Variants in FMN1 observed in about 807,000 individuals in gnomAD.
The protein encoded by FMN1 is formin 1.
FMN1 carries 110 observed loss-of-function variants against 132.4 expected under a neutral mutation model. That is an observed-to-expected ratio of 0.83 (90% confidence interval 0.71 to 0.97). The LOEUF (loss-of-function observed/expected upper bound fraction) is 0.97. Among genes scored for constraint, FMN1 ranks in the 50% least tolerant of loss-of-function variants. The probability of loss-of-function intolerance (pLI) is 0.00; values close to 1 mark genes in which losing one functional copy is unlikely to be tolerated. For synonymous variants in FMN1, 722 were observed against 651.7 expected (o/e 1.11, Z -1.64); for missense variants, 1,792 against 1,705.3 (o/e 1.05, Z -0.90).
rs1964603490 is a variant in FMN1, at chr15:33,154,721, T to C, written c.194A>G (p.Glu65Gly). ...EESDIISLSQ[E>G]PDEHPGDIFF... ...TATGTCGCCTGGATGTTCGTCCGGC[T>C]CCTGGCTGAGGCTGATGATGTCTGA... is the stretch of plus-strand genomic sequence containing the variant. The change falls in exon 4 of 21, where the codon GAG (glutamate) becomes GGG (glycine). Residue 65 changes from glutamate (E) to glycine (G), a missense_variant. Coordinates refer to ENST00000616417, the MANE Select transcript of FMN1 (RefSeq NM_001277313.2). 5.9e-6 allele frequency: 9 copies of C among 1,536,150 alleles called. No homozygotes were observed. The South Asian group carries it at 8.3e-5, about 14-fold the overall frequency.
chr15:33,126,851 T>C (rs1168789113), intron 4 of FMN1, among the ~76,000 whole-genome samples: 2 of 152,198 alleles, frequency 1.3e-5, no homozygotes, highest in African/African-American at 4.8e-5. Flanking sequence ...TCTGAAACTT[T>C]GGGAAGGAAA....
chr15:32,996,007 A>C (rs899807170), intron 7 of FMN1, among the ~76,000 whole-genome samples: 4 of 152,242 alleles, frequency 2.6e-5, no homozygotes, highest in African/African-American at 9.6e-5. Context: ...TATATGGAAC[A>C]AACTTTACCA....
intron 7 of FMN1, among the ~76,000 whole-genome samples, chr15:32,996,575 G>A (rs747429079): frequency 6.6e-6 from 1 of 152,146 alleles, no homozygotes; most frequent in Non-Finnish European, 1.5e-5. Context: ...CCTCATAATG[G>A]TGTAATAGCT....
intron 5 of FMN1, among the ~76,000 whole-genome samples, chr15:33,084,112 T>G (rs1181993938): frequency 1.3e-5 from 2 of 152,210 alleles, no homozygotes; most frequent in Non-Finnish European, 2.9e-5. Context: ...AAGAAATAAC[T>G]ACAGGTATAT....
chr15:32,943,876 CAATGGAAAG>C (rs2061449375), intron 9 of FMN1, among the ~76,000 whole-genome samples: 1 of 152,084 alleles, frequency 6.6e-6, no homozygotes, highest in Non-Finnish European at 1.5e-5. Flanking sequence ...GAGAGTTTCG[CAATGGAAAG>C]AAATTCCAAG....
In FMN1 at chr15:32,774,369, A is replaced by G. The variant is rs2140856706; in HGVS notation, c.4216-15T>C. 6.4e-7 allele frequency: 1 copy of G among 1,573,870 alleles called. No individual in the cohort carries two copies. ...AGTCTTTCTTTCTGTTAAGGAAAAA[A>G]AAATGAATGTATCATTTTCTTTCAT... is the stretch of plus-strand genomic sequence containing the variant. On this transcript the variant is annotated splice_polypyrimidine_tract_variant and intron_variant, in intron 20 of 20. Coordinates refer to ENST00000616417, the MANE Select transcript of FMN1 (RefSeq NM_001277313.2).
intron 16 of FMN1, among the ~76,000 whole-genome samples, chr15:32,884,398 C>T (rs1168371993): frequency 6.6e-6 from 1 of 152,120 alleles, no homozygotes; most frequent in Non-Finnish European, 1.5e-5. Context: ...ATTCTTACGT[C>T]GTTATATCTC....
intron 4 of FMN1, among the ~76,000 whole-genome samples, chr15:33,119,648 T>G (rs898393405): frequency 1.3e-5 from 2 of 152,264 alleles, no homozygotes; most frequent in African/African-American, 4.8e-5. Flanking sequence ...GTGATCACTC[T>G]GTTTTACAAA....
chr15:32,981,276 G>A (rs2032634566), intron 7 of FMN1, among the ~76,000 whole-genome samples: 1 of 151,950 alleles, frequency 6.6e-6, no homozygotes, highest in Non-Finnish European at 1.5e-5. Flanking sequence ...TGGATCATGA[G>A]GTCAGGAGAT....
At chr15:33,150,378 G>A in intron 4 of FMN1, 38 of 985,446 alleles carry the variant, frequency 3.9e-5, no homozygotes, top group South Asian at 4.7e-5. Flanking sequence ...CAATCTCCAG[G>A]TTGGTGGTGG....
At chr15:32,781,469 G>C (rs1327956846) in intron 19 of FMN1, among the ~76,000 whole-genome samples, 4 of 152,198 alleles carry the variant, frequency 2.6e-5, no homozygotes, top group Non-Finnish European at 4.4e-5. Flanking sequence ...TACTGTTGCA[G>C]TGGGAAAGCA....
chr15:32,970,257 AG>A (rs2031666178), intron 7 of FMN1, among the ~76,000 whole-genome samples: 1 of 152,232 alleles, frequency 6.6e-6, no homozygotes. Flanking sequence ...GTCATTAACC[AG>A]CCCGTTCCTC....
At position 33,040,535 on chromosome 15, in the gene FMN1, G is replaced by A. The variant is rs562167935; in HGVS notation, c.2161+24422C>T. Among the ~76,000 whole-genome samples, 13 of 152,194 alleles carry A rather than the reference G, an allele frequency of 8.5e-5. No individual in the cohort carries two copies. In the East Asian group the frequency reaches 9.7e-4, roughly 11 times the overall value. ...ATAAATGATTATTATTTATAACAGTGGAATTAATAACAGCACCAATGAATT... is the reference window on the plus strand; with the variant it reads ...ATAAATGATTATTATTTATAACAGTAGAATTAATAACAGCACCAATGAATT... On this transcript the variant is annotated intron_variant, in intron 6 of 20. Transcript: ENST00000616417.
intron 3 of FMN1, among the ~76,000 whole-genome samples, chr15:33,160,183 GA>G (rs35452985): frequency 6.6e-6 from 1 of 151,836 alleles, no homozygotes; most frequent in Middle Eastern, 3.2e-3. Flanking sequence ...GAAGGGCTTT[GA>G]AAAAAAATGA....
chr15:32,812,691 CATTTTGG>C (rs1184320159), intron 17 of FMN1, among the ~76,000 whole-genome samples: 9 of 152,292 alleles, frequency 5.9e-5, no homozygotes, highest in African/African-American at 1.7e-4. Flanking sequence ...GAGCATTTTG[CATTTTGG>C]ATTTTCAGAT....
In FMN1 at chr15:32,792,938, A is replaced by T. The variant is rs376331952; in HGVS notation, c.4130+5866T>A. On this transcript the variant is annotated intron_variant, in intron 19 of 20. Transcript: ENST00000616417. Reference sequence around the variant, plus strand: ...AGATTGTTATACATGAGGAAAATTGATTTTTCCTTTGTTTAAGCAACAGTT... The same window carrying T: ...AGATTGTTATACATGAGGAAAATTGTTTTTTCCTTTGTTTAAGCAACAGTT... Among the ~76,000 whole-genome samples, 81 of 152,190 alleles carry T rather than the reference A, an allele frequency of 5.3e-4. No individual in the cohort carries two copies. The Middle Eastern group carries it at 0.014, about 26-fold the overall frequency.
chr15:32,978,531 C>G (rs1054254855), intron 7 of FMN1, among the ~76,000 whole-genome samples: 2 of 152,194 alleles, frequency 1.3e-5, no homozygotes, highest in Admixed American at 6.5e-5. Flanking sequence ...AGCCAACATA[C>G]TAATTCCTTC....
At chr15:32,810,032 G>C (rs1212099316) in intron 17 of FMN1, among the ~76,000 whole-genome samples, 2 of 151,986 alleles carry the variant, frequency 1.3e-5, no homozygotes. Context: ...TGATTCTCCA[G>C]CCTCAGCCTC....
chr15:32,871,472 C>G (rs1264323914), intron 16 of FMN1, among the ~76,000 whole-genome samples: 1 of 152,192 alleles, frequency 6.6e-6, no homozygotes, highest in African/African-American at 2.4e-5. Flanking sequence ...AAAATTTCAT[C>G]AGGTAGGCAT....
Sources: gnomAD v4.1 joint callset for allele counts (sites outside exome capture counted in the v4.1 genomes callset) on GRCh38, gnomAD v4.1.1 for gene constraint, MANE v1.5 for transcripts, NCBI Gene and HGNC (gene_info 2026-07-23, HGNC 2026-07-21) for gene names.